Variants in KCTD8 observed in about 807,000 individuals in gnomAD.
KCTD8 encodes BTB/POZ domain-containing protein KCTD8.
Under a neutral mutation model 31.5 loss-of-function variants are expected in KCTD8, and 27 were observed. The ratio of observed to expected loss-of-function variants is 0.86; its 90% CI spans 0.63 to 1.18. The LOEUF (loss-of-function observed/expected upper bound fraction) is 1.18. Among genes scored for constraint, KCTD8 ranks in the 50% most tolerant of loss-of-function variants. The pLI is 0.00. For synonymous variants in KCTD8, 290 were observed against 280.0 expected, an observed-to-expected ratio of 1.04 and a Z score of -0.36; for missense variants, 658 against 647.7, an observed-to-expected ratio of 1.02 and a Z score of -0.17.
At chr4:44,308,227 A>C (rs567440243) in intron 1 of KCTD8, among the ~76,000 whole-genome samples, 5 of 152,172 alleles carry the variant, frequency 3.3e-5, no homozygotes, top group Non-Finnish European at 7.4e-5. Flanking sequence ...ATGAAAGCAG[A>C]ACTTTCAAAC....
chr4:44,261,600 C>T (rs1272672342), intron 1 of KCTD8, among the ~76,000 whole-genome samples: 1 of 151,822 alleles, frequency 6.6e-6, no homozygotes, highest in East Asian at 1.9e-4. Flanking sequence ...ATTTCTCATA[C>T]CCCCAACCCC....
At chr4:44,184,055 G>A (rs1216456934) in intron 1 of KCTD8, among the ~76,000 whole-genome samples, 1 of 151,852 alleles carries the variant, frequency 6.6e-6, no homozygotes, top group East Asian at 1.9e-4. Flanking sequence ...TAGCTACAAG[G>A]GTGGGGACAC....
At chr4:44,202,203 T>G (rs1021525949) in intron 1 of KCTD8, among the ~76,000 whole-genome samples, 23 of 152,162 alleles carry the variant, frequency 1.5e-4, no homozygotes, top group African/African-American at 5.1e-4. Flanking sequence ...TAATGCATAT[T>G]AGGTCAGCCA....
chr4:44,347,786 AGC>A (rs1265854687), intron 1 of KCTD8, among the ~76,000 whole-genome samples: 3 of 152,206 alleles, frequency 2.0e-5, no homozygotes, highest in African/African-American at 7.2e-5. Context: ...CTGTGAATTT[AGC>A]AGTATTATAT....
At chr4:44,241,051 C>T (rs1257009482) in intron 1 of KCTD8, among the ~76,000 whole-genome samples, 1 of 152,102 alleles carries the variant, frequency 6.6e-6, no homozygotes, top group Non-Finnish European at 1.5e-5. Context: ...TTCTTTTAAC[C>T]CTTGGTTTCA....
chr4:44,264,680 C>T (rs781367338), intron 1 of KCTD8, among the ~76,000 whole-genome samples: 5 of 152,180 alleles, frequency 3.3e-5, no homozygotes, highest in Admixed American at 6.5e-5. Context: ...GTCACTCCCC[C>T]CCGAATACTG....
intron 1 of KCTD8, among the ~76,000 whole-genome samples, chr4:44,336,173 A>AAAAAAAAG (rs1560429422): frequency 7.2e-6 from 1 of 139,282 alleles, no homozygotes; most frequent in South Asian, 2.3e-4. Flanking sequence ...AAAAAAAAAA[A>AAAAAAAAG]AAAGAAAAAA....
intron 1 of KCTD8, among the ~76,000 whole-genome samples, chr4:44,363,725 TC>T (rs1393335737): frequency 6.6e-6 from 1 of 152,116 alleles, no homozygotes; most frequent in East Asian, 1.9e-4. Context: ...TTTATTGCTT[TC>T]ATGTAGACTA....
intron 1 of KCTD8, among the ~76,000 whole-genome samples, chr4:44,242,082 C>CA (rs1043165054): frequency 3.8e-4 from 58 of 151,968 alleles, no homozygotes; most frequent in Non-Finnish European, 7.9e-4. Context: ...ACTCAGTGTG[C>CA]AAAAAATCTG....
chr4:44,323,780 G>A (rs1053921492), intron 1 of KCTD8, among the ~76,000 whole-genome samples: 22 of 151,604 alleles, frequency 1.5e-4, no homozygotes, highest in Non-Finnish European at 1.8e-4. Flanking sequence ...AATAAGTTTG[G>A]GCAAATAATA....
At chr4:44,182,927 A>C (rs992890745) in intron 1 of KCTD8, among the ~76,000 whole-genome samples, 1 of 152,234 alleles carries the variant, frequency 6.6e-6, no homozygotes, top group African/African-American at 2.4e-5. Context: ...ATATATATTA[A>C]GTACTTTAAA....
chr4:44,383,500 T>TA lies in KCTD8; in HGVS notation c.961+64062dup, dbSNP rs768585708. 2.4e-4 allele frequency among the ~76,000 whole-genome samples: 37 copies of TA among 151,750 alleles called. No homozygotes were observed. The East Asian group carries it at 4.5e-3, about 18-fold the overall frequency. ...CCAATGGAACAGAACAGAGAACTCA[T>TA]AAAAAAATCACATATTTACAGCCAA... On this transcript the variant is annotated intron_variant, in intron 1 of 1. Transcript: ENST00000360029.
At chr4:44,308,385 T>G (rs766235726) in intron 1 of KCTD8, among the ~76,000 whole-genome samples, 9 of 152,026 alleles carry the variant, frequency 5.9e-5, no homozygotes, top group Non-Finnish European at 1.3e-4. Context: ...ATTTGGATAT[T>G]AAGGAAATTA....
intron 1 of KCTD8, among the ~76,000 whole-genome samples, chr4:44,393,883 A>G (rs909000538): frequency 2.0e-5 from 3 of 151,896 alleles, no homozygotes; most frequent in African/African-American, 4.8e-5. Flanking sequence ...ATATGATTAA[A>G]AAATTAAAAT....
chr4:44,181,213 CCCTCTCTTT>C (rs1280216763), intron 1 of KCTD8, among the ~76,000 whole-genome samples: 2 of 117,002 alleles, frequency 1.7e-5, no homozygotes, highest in East Asian at 7.5e-4. Context: ...GTCTCCCTCT[CCCTCTCTTT>C]CCACGGTCTC....
At chr4:44,230,803 A>AT (rs1160229522) in intron 1 of KCTD8, among the ~76,000 whole-genome samples, 1 of 152,068 alleles carries the variant, frequency 6.6e-6, no homozygotes, top group Non-Finnish European at 1.5e-5. Flanking sequence ...TTGCCATTAA[A>AT]TTTTTTTAAT....
intron 1 of KCTD8, among the ~76,000 whole-genome samples, chr4:44,333,880 C>T (rs931971399): frequency 8.6e-5 from 13 of 151,954 alleles, no homozygotes; most frequent in Admixed American, 8.5e-4. Context: ...GAAAAAAAGT[C>T]GATCATTTAA....
At chr4:44,181,326 T>G (rs1244395036) in intron 1 of KCTD8, among the ~76,000 whole-genome samples, 1 of 152,142 alleles carries the variant, frequency 6.6e-6, no homozygotes, top group Non-Finnish European at 1.5e-5. Flanking sequence ...CTGCCATCTC[T>G]GCTTACTGCA....
chr4:44,381,327 A>C (rs973412920), intron 1 of KCTD8, among the ~76,000 whole-genome samples: 5 of 152,100 alleles, frequency 3.3e-5, no homozygotes, highest in African/African-American at 1.2e-4. Context: ...TTAACACACA[A>C]AAGTCACTCG....
Sources: gnomAD v4.1 joint callset for allele counts (sites outside exome capture counted in the v4.1 genomes callset) on GRCh38, gnomAD v4.1.1 for gene constraint, MANE v1.5 for transcripts, NCBI Gene and HGNC (gene_info 2026-07-23, HGNC 2026-07-21) for gene names.